The following SLCO1A2 variants were observed in gnomAD, a reference collection of about 807,000 sequenced individuals.
The protein encoded by SLCO1A2 is OATP-1.
A neutral mutation model predicts 69.0 loss-of-function variants in SLCO1A2; 67 were observed. The ratio of observed to expected loss-of-function variants is 0.97; its 90% CI spans 0.80 to 1.19. The LOEUF is 1.19. Ranked by LOEUF, SLCO1A2 falls within the 50% of genes most tolerant of loss-of-function variation. The pLI is 0.00. For missense variants in SLCO1A2, 787 were observed against 793.7 expected (o/e 0.99, Z 0.10); for synonymous variants, 260 against 265.9 (o/e 0.98, Z 0.22).
chr12:21,340,652 C>T (rs1019399682), intron 2 of SLCO1A2, among the ~76,000 whole-genome samples: 1 of 151,848 alleles, frequency 6.6e-6, no homozygotes. Context: ...TGAGGAAATC[C>T]ACTTGCCATT....
At chr12:21,385,861 C>T (rs1379722815) in intron 1 of SLCO1A2, among the ~76,000 whole-genome samples, 1 of 152,116 alleles carries the variant, frequency 6.6e-6, no homozygotes, top group East Asian at 1.9e-4. Context: ...AGTATTTGAT[C>T]CTTACGAGGT....
chr12:21,335,031 C>G (rs1952834950), upstream of SLCO1A2: 1 of 158,702 alleles, frequency 6.3e-6, no homozygotes, highest in Admixed American at 6.5e-5. Flanking sequence ...CAAATAGTAC[C>G]AAAAGACTTC....
At chr12:21,372,384 C>T (rs1369122795) in intron 2 of SLCO1A2, among the ~76,000 whole-genome samples, 1 of 152,130 alleles carries the variant, frequency 6.6e-6, no homozygotes, top group Non-Finnish European at 1.5e-5. Flanking sequence ...GTAGGTCTTC[C>T]ATTACTCTTA....
At chr12:21,393,560 T>A (rs1279117392) in intron 1 of SLCO1A2, among the ~76,000 whole-genome samples, 1 of 152,184 alleles carries the variant, frequency 6.6e-6, no homozygotes, top group African/African-American at 2.4e-5. Flanking sequence ...TTGGCAAAGA[T>A]AAATAAATCT....
At chr12:21,349,462 A>G (rs2137006816) in intron 2 of SLCO1A2, among the ~76,000 whole-genome samples, 1 of 152,246 alleles carries the variant, frequency 6.6e-6, no homozygotes, top group Middle Eastern at 3.4e-3. Flanking sequence ...AATAACATAC[A>G]CTGCAAGCCG....
intron 2 of SLCO1A2, among the ~76,000 whole-genome samples, chr12:21,332,238 G>C (rs942145212): frequency 2.0e-5 from 3 of 152,068 alleles, no homozygotes; most frequent in Non-Finnish European, 2.9e-5. Flanking sequence ...GGTTCAATTG[G>C]GAAGGTCAAG....
At chr12:21,403,153 C>T (rs1941761710) in intron 1 of SLCO1A2, among the ~76,000 whole-genome samples, 1 of 152,092 alleles carries the variant, frequency 6.6e-6, no homozygotes, top group South Asian at 2.1e-4. Flanking sequence ...TTCTAACGCT[C>T]CAAGCCACTT....
At chr12:21,283,861 A>T (rs1008886033) in intron 12 of SLCO1A2, among the ~76,000 whole-genome samples, 3 of 152,216 alleles carry the variant, frequency 2.0e-5, no homozygotes, top group African/African-American at 7.2e-5. Flanking sequence ...CTGCAATGAG[A>T]TATCATCTCA....
upstream of SLCO1A2, among the ~76,000 whole-genome samples, chr12:21,336,046 G>T (rs1952876371): frequency 6.6e-6 from 1 of 152,032 alleles, no homozygotes; most frequent in African/African-American, 2.4e-5. Context: ...AATGCAATTT[G>T]CTTGGTATGT....
chr12:21,351,614 A>G (rs1591871199), intron 2 of SLCO1A2, among the ~76,000 whole-genome samples: 1 of 151,916 alleles, frequency 6.6e-6, no homozygotes, highest in African/African-American at 2.4e-5. Flanking sequence ...CATCTCTACT[A>G]AAAAATACAA....
At chr12:21,408,925 AG>A (rs1941865701) in intron 1 of SLCO1A2, among the ~76,000 whole-genome samples, 2 of 151,638 alleles carry the variant, frequency 1.3e-5, no homozygotes, top group African/African-American at 4.8e-5. Context: ...AACTTTTTAA[AG>A]GCTGGTAGAA....
At chr12:21,408,437 C>T (rs1011252127) in intron 1 of SLCO1A2, among the ~76,000 whole-genome samples, 16 of 152,228 alleles carry the variant, frequency 1.1e-4, no homozygotes, top group Admixed American at 9.8e-4. Context: ...CCTCACTCTA[C>T]TCCCAATATT....
chr12:21,396,687 T>G (rs985882552), upstream of SLCO1A2, among the ~76,000 whole-genome samples: 1 of 152,176 alleles, frequency 6.6e-6, no homozygotes, highest in African/African-American at 2.4e-5. Flanking sequence ...GCAGAAACCC[T>G]ACAAGCCAGA....
chr12:21,297,511 A>C lies in SLCO1A2; in HGVS notation c.968T>G (p.Leu323Arg). The C allele has an allele frequency of 6.2e-7, 1 of 1,604,438 alleles. No homozygotes were observed. The highest frequency in any genetic ancestry group is 8.5e-7 in the Non-Finnish European group (1 of 1,173,932). The change falls in exon 9 of 15, where the codon CTT becomes CGT. Residue 323 changes from leucine (L) to arginine (R), a missense_variant. Physicochemically the swap from Leu to Arg is moderately radical, Grantham distance 102 (BLOSUM62 -2). Coordinates refer to ENST00000683939, the MANE Select transcript of SLCO1A2 (RefSeq NM_001386879.1). ...SCNPIYMLFI[L>R]VSVIQFNAFV... ...TGCATTGAACTGTATCACACTTACAAGTATGAAAAGCATATAAATTGGATT... is the reference window on the plus strand; with the variant it reads ...TGCATTGAACTGTATCACACTTACACGTATGAAAAGCATATAAATTGGATT...
At chr12:21,334,091 G>GA (rs397693403) in intron 2 of SLCO1A2, among the ~76,000 whole-genome samples, 6,015 of 150,774 alleles carry the variant, frequency 0.04, 125 homozygotes, top group African/African-American at 0.06. Flanking sequence ...CTCTGAAATA[G>GA]AAAAAAAAAT....
chr12:21,284,099 G>A (rs544238167), intron 12 of SLCO1A2, among the ~76,000 whole-genome samples: 56 of 152,216 alleles, frequency 3.7e-4, no homozygotes, highest in Non-Finnish European at 7.4e-4. Context: ...TCAGTGTATC[G>A]AAGAGATATC....
chr12:21,265,918 C>T lies in SLCO1A2; in HGVS notation c.*3630G>A, dbSNP rs1942022983. On this transcript the variant is annotated 3_prime_UTR_variant, in exon 15 of 15. Coordinates refer to ENST00000683939, the MANE Select transcript of SLCO1A2 (RefSeq NM_001386879.1). ...TATAGAAATCATACTCTTTTAACAT[C>T]TACAACCTCTTCTACCAGGAGCTGT... is the stretch of plus-strand genomic sequence containing the variant. The T allele has an allele frequency of 6.6e-6, 1 of 152,118 alleles. No individual in the cohort carries two copies. The highest frequency in any genetic ancestry group is 1.5e-5 in the Non-Finnish European group (1 of 68,022). The allele number at this position is 152,118 out of a possible 1,614,324, so 9.4% of individuals were successfully genotyped here.
intron 12 of SLCO1A2, among the ~76,000 whole-genome samples, chr12:21,287,304 C>T: frequency 6.7e-6 from 1 of 148,726 alleles, no homozygotes; most frequent in Non-Finnish European, 1.5e-5. Context: ...ATCAAAACCA[C>T]TATGAGATAT....
intron 12 of SLCO1A2, among the ~76,000 whole-genome samples, chr12:21,285,211 A>T (rs937205270): frequency 3.9e-5 from 6 of 151,910 alleles, no homozygotes; most frequent in African/African-American, 1.5e-4. Flanking sequence ...AACTACCATC[A>T]GAGAATACTA....
Sources: allele counts gnomAD v4.1 joint callset (sites outside exome capture counted in the v4.1 genomes callset), GRCh38; gene constraint gnomAD v4.1.1; transcripts MANE v1.5; gene names NCBI Gene and HGNC (gene_info 2026-07-23, HGNC 2026-07-21).